Variants in NEFM observed in about 807,000 individuals in gnomAD.
NEFM encodes the protein neurofilament medium chain, also known as neurofilament medium polypeptide.
In NEFM, 16 loss-of-function variants were observed where a neutral mutation model predicts 48.1. The observed-to-expected ratio is 0.33, with a 90% CI of 0.23 to 0.51. The LOEUF is 0.51. Ranked by LOEUF, NEFM falls within the 20% of genes least tolerant of loss-of-function variation. The pLI, the probability that NEFM is intolerant of heterozygous loss-of-function variation, is 0.98. For synonymous variants in NEFM, 465 were observed against 456.9 expected, an observed-to-expected ratio of 1.02 and a Z score of -0.23; for missense variants, 1,107 against 1,136.0, an observed-to-expected ratio of 0.97 and a Z score of 0.37.
At chr8:24,916,989 C>T in intron 2 of NEFM, 72 bp from the exon 3 acceptor site, 1 of 1,233,230 alleles carries the variant, frequency 8.1e-7, no homozygotes, top group Non-Finnish European at 1.2e-6. Flanking sequence ...CCACAATACC[C>T]AGAATGTAAT....
At chr8:24,915,324 G>C (rs925098234) in intron 1 of NEFM, 8 of 1,300,728 alleles carry the variant, frequency 6.2e-6, no homozygotes, top group Non-Finnish European at 7.9e-6. Flanking sequence ...CCCCATGCAT[G>C]TTTGTGTCCT....
In NEFM at chr8:24,913,935, G is replaced by A. The variant is rs373780783; in HGVS notation, c.142G>A (p.Val48Met). 275 of 1,610,998 alleles carry A rather than the reference G, an allele frequency of 1.7e-4. No homozygotes were observed. Among genetic ancestry groups the A allele is most frequent in the Non-Finnish European group, 2.2e-4 (254 of 1,179,300 alleles). Reference protein sequence around the residue: ...QSWSRGSPSTVSSSYKRSMLA... With the variant: ...QSWSRGSPSTMSSSYKRSMLA... ...GTGGTCCCGCGGCTCGCCCAGCACC[G>A]TGTCCTCCTCCTATAAGCGCAGCAT... Residue 48 changes from valine to methionine, a missense_variant, in exon 1 of 3, where the codon GTG becomes ATG. Coordinates refer to ENST00000221166, the MANE Select transcript of NEFM (RefSeq NM_005382.2).
rs778021684 is a variant in NEFM at position 24,917,274 on chromosome 8, G to A, written c.1419G>A (p.Leu473=). The part of the protein sequence containing the change: ...EDEKSEMEEA[L]TAITEELAVS... ...AGAAGTCAGAAATGGAAGAGGCCCT[G>A]ACAGCCATTACAGAGGAATTGGCCG... Residue 473 remains leucine, a synonymous_variant, in exon 3 of 3, where the codon CTG becomes CTA. Coordinates refer to ENST00000221166, the MANE Select transcript of NEFM (RefSeq NM_005382.2). 267 of 1,614,022 alleles carry A rather than the reference G, an allele frequency of 1.7e-4. 1 individual carries two copies. Among genetic ancestry groups the A allele is most frequent in the Non-Finnish European group, 2.2e-4 (263 of 1,180,054 alleles).
Position 24,914,382 on chromosome 8 carries a change from G to T in NEFM, c.589G>T (p.Asp197Tyr). The change falls in exon 1 of 3, where the codon GAC becomes TAC. Residue 197 changes from aspartate to tyrosine, a missense_variant. Asp to Tyr is a radical substitution (Grantham distance 160). Around this residue, in one of 3 missense-constraint regions of NEFM, gnomAD observed 917 missense variants for 916.4 expected, o/e 1.00. Coordinates refer to ENST00000221166, the MANE Select transcript of NEFM (RefSeq NM_005382.2). ...CTTTGAGGAGGAGGCGCGGTTGCGC[G>T]ACGACACTGAGGCGGCCATCCGCGC... ...ERFEEEARLR[D>Y]DTEAAIRALR... 6.2e-7 allele frequency: 1 copy of T among 1,613,642 alleles called. No homozygotes were observed. The highest frequency in any genetic ancestry group is 8.5e-7 in the Non-Finnish European group (1 of 1,179,992).
chr8:24,915,241 A>G (rs940046873), intron 1 of NEFM: 23 of 1,268,814 alleles, frequency 1.8e-5, no homozygotes, highest in Non-Finnish European at 1.1e-5. Flanking sequence ...TCCGGCAGTG[A>G]TCGGAAGAGC....
intron 1 of NEFM, 67 bp from the exon 2 acceptor site, chr8:24,915,538 A>C: frequency 6.2e-7 from 1 of 1,608,682 alleles, no homozygotes; most frequent in Non-Finnish European, 8.5e-7. Flanking sequence ...AGGGGTAGCA[A>C]GTGGTTTGCG....
rs1377764405 is a variant in NEFM at position 24,914,617 on chromosome 8, C to G, written c.824C>G (p.Ser275Cys). ...DISTALKEIR[S>C]QLESHSDQNM... ...TCGACGGCGCTGAAGGAAATCCGCT[C>G]CCAGCTCGAAAGCCACTCAGACCAG... The change falls in exon 1 of 3, where the codon TCC becomes TGC. Residue 275 changes from serine (S) to cysteine (C), a missense_variant. Transcript: ENST00000221166. The G allele has an allele frequency of 1.2e-6, 2 of 1,614,198 alleles. No individual in the cohort carries two copies. Among genetic ancestry groups the G allele is most frequent in the East Asian group, 4.5e-5 (2 of 44,858 alleles).
In NEFM at chr8:24,916,994, T is replaced by C. The variant is rs1019350635; in HGVS notation, c.1206-67T>C. The C allele has an allele frequency of 9.5e-6, 12 of 1,268,452 alleles. No individual in the cohort carries two copies. The East Asian group carries it at 2.5e-4, about 27-fold the overall frequency. 78.6% of individuals were successfully genotyped at this position (1,268,452 alleles called of 1,614,324 possible). A position where few individuals can be genotyped will look rare whatever the true frequency, so the allele number is the denominator to read the frequency against. ...AAGGTAGCTACCACAATACCCAGAATGTAATGAAGCTCAGAAGGCCTAGTG... is the reference window on the plus strand; with the variant it reads ...AAGGTAGCTACCACAATACCCAGAACGTAATGAAGCTCAGAAGGCCTAGTG... On this transcript the variant is annotated intron_variant, in intron 2 of 2. Coordinates refer to ENST00000221166, the MANE Select transcript of NEFM (RefSeq NM_005382.2).
rs1479729090 is a variant in NEFM at position 24,913,931 on chromosome 8, C to T, written c.138C>T (p.Ser46=). The change falls in exon 1 of 3, where the codon AGC becomes AGT. Residue 46 remains serine (S), a synonymous_variant. Transcript: ENST00000221166. ...AGTCGTGGTCCCGCGGCTCGCCCAG[C>T]ACCGTGTCCTCCTCCTATAAGCGCA... The part of the protein sequence containing the change: ...RSQSWSRGSP[S]TVSSSYKRSM... 3.1e-6 allele frequency: 5 copies of T among 1,611,290 alleles called. No homozygotes were observed. Among genetic ancestry groups the T allele is most frequent in the Non-Finnish European group, 4.2e-6 (5 of 1,179,360 alleles).
intron 1 of NEFM, chr8:24,915,274 A>G (rs1802555361): frequency 2.4e-6 from 3 of 1,275,330 alleles, no homozygotes; most frequent in African/African-American, 3.0e-5. Context: ...CTTCAGCCCA[A>G]AGGGCTCAGA....
Position 24,919,043 on chromosome 8 carries a change from T to A in NEFM, c.*437T>A. 5.1e-6 allele frequency: 1 copy of A among 196,088 alleles called. No individual in the cohort carries two copies. Among genetic ancestry groups the A allele is most frequent in the South Asian group, 1.0e-4 (1 of 9,972 alleles). 12.1% of individuals were successfully genotyped at this position (196,088 alleles called of 1,614,324 possible). A position where few individuals can be genotyped will look rare whatever the true frequency, so the allele number is the denominator to read the frequency against. ...CAGTTTGCAATCTTATGTTGATCGA[T>A]GTTAAACGTCACAGCAGTACTTGCT... On this transcript the variant is annotated 3_prime_UTR_variant, in exon 3 of 3. Transcript: ENST00000221166.
At chr8:24,915,122 G>A in intron 1 of NEFM, 3 of 1,355,050 alleles carry the variant, frequency 2.2e-6, no homozygotes, top group South Asian at 1.8e-5. Flanking sequence ...ATCTTTTCCA[G>A]TTCTAATTTT....
chr8:24,917,464 G>A lies in NEFM; in HGVS notation c.1609G>A (p.Glu537Lys). 6.4e-7 allele frequency: 1 copy of A among 1,555,382 alleles called. No homozygotes were observed. Among genetic ancestry groups the A allele is most frequent in the East Asian group, 2.4e-5 (1 of 41,126 alleles). The stretch of plus-strand genomic sequence containing the variant: ...GGAAGAAGAAGGCCAGGAAGAAGAG[G>A]AGGAAGAAGATGAGGGAGCTAAGTC... The part of the protein sequence containing the change: ...KEEEEGQEEE[E>K]EEDEGAKSDQ... Residue 537 changes from glutamate to lysine, a missense_variant, in exon 3 of 3, where the codon GAG (glutamate) becomes AAG (lysine). Glu to Lys is a moderately conservative substitution (Grantham distance 56, BLOSUM62 1). Coordinates refer to ENST00000221166, the MANE Select transcript of NEFM (RefSeq NM_005382.2).
Position 24,914,100 on chromosome 8 carries a change from G to A in NEFM, c.307G>A (p.Glu103Lys), listed in dbSNP as rs768707355. Reference protein sequence around the residue: ...DYKLSRSNEKEQLQGLNDRFA... With the variant: ...DYKLSRSNEKKQLQGLNDRFA... The stretch of plus-strand genomic sequence containing the variant: ...CAAGCTGTCCCGCTCCAACGAGAAG[G>A]AGCAGCTGCAGGGGCTGAACGACCG... Residue 103 changes from glutamate (E) to lysine (K), a missense_variant, in exon 1 of 3, where the codon GAG (glutamate) becomes AAG (lysine). By Grantham distance (56) the Glu-to-Lys change is moderately conservative (BLOSUM62 1). Around this residue, in one of 3 missense-constraint regions of NEFM, gnomAD observed 186 missense variants for 200.6 expected, o/e 0.93. Transcript: ENST00000221166. 3 of 1,612,994 alleles carry A rather than the reference G, an allele frequency of 1.9e-6. No individual in the cohort carries two copies. The highest frequency in any genetic ancestry group is 1.3e-5 in the African/African-American group (1 of 74,960).
At position 24,918,545 on chromosome 8, in the gene NEFM, C is replaced by A. The variant is rs1288782522; in HGVS notation, c.2690C>A (p.Thr897Asn). 6.2e-7 allele frequency: 1 copy of A among 1,613,644 alleles called. No homozygotes were observed. Among genetic ancestry groups the A allele is most frequent in the Non-Finnish European group, 8.5e-7 (1 of 1,179,984 alleles). The change falls in exon 3 of 3, where the codon ACT becomes AAT. Residue 897 changes from threonine (T) to asparagine (N), a missense_variant. Physicochemically the swap from Thr to Asn is moderately conservative, Grantham distance 65 (BLOSUM62 0). Transcript: ENST00000221166. ...EETFEEKLVS[T>N]KKVEKVTSHA... ...ACCTTTGAGGAGAAACTAGTGTCTA[C>A]TAAAAAGGTAGAAAAAGTCACTTCA...
At chr8:24,915,028 G>T (rs1297038281) in intron 1 of NEFM, 155 bp downstream of exon 1, 1 of 1,391,406 alleles carries the variant, frequency 7.2e-7, no homozygotes, top group African/African-American at 1.5e-5. Context: ...GCGGATCAGC[G>T]TCCTCGCCCA....
Position 24,918,027 on chromosome 8 carries a change from A to G in NEFM, c.2172A>G (p.Lys724=). 6.4e-7 allele frequency: 1 copy of G among 1,569,768 alleles called. No homozygotes were observed. Among genetic ancestry groups the G allele is most frequent in the Non-Finnish European group, 8.6e-7 (1 of 1,156,798 alleles). Residue 724 remains lysine, a synonymous_variant, in exon 3 of 3, where the codon AAA becomes AAG. Transcript: ENST00000221166. ...KEEKVEKKEE[K]PKDVPEKKKA... is the part of the protein sequence containing the mutation. ...AGAAGGTAGAGAAAAAGGAAGAGAA[A>G]CCAAAGGATGTGCCAGAGAAGAAGA...
Position 24,914,463 on chromosome 8 carries a change from G to A in NEFM, c.670G>A (p.Val224Met), listed in dbSNP as rs746305446. 2 of 1,613,944 alleles carry A rather than the reference G, an allele frequency of 1.2e-6. No individual in the cohort carries two copies. Among genetic ancestry groups the A allele is most frequent in the Admixed American group, 1.7e-5 (1 of 60,020 alleles). ...GGTCAAGGTGGAGCTGGACAAGAAGGTGCAGTCGCTGCAGGATGAGGTGGC... is the reference window on the plus strand; with the variant it reads ...GGTCAAGGTGGAGCTGGACAAGAAGATGCAGTCGCTGCAGGATGAGGTGGC... ...SLVKVELDKK[V>M]QSLQDEVAFL... The change falls in exon 1 of 3, where the codon GTG becomes ATG. Residue 224 changes from valine to methionine, a missense_variant. By Grantham distance (21) the Val-to-Met change is conservative. Coordinates refer to ENST00000221166, the MANE Select transcript of NEFM (RefSeq NM_005382.2).
At position 24,918,371 on chromosome 8, in the gene NEFM, C is replaced by T. The variant is rs1802614040; in HGVS notation, c.2516C>T (p.Ala839Val). The change falls in exon 3 of 3, where the codon GCA becomes GTA. Residue 839 changes from alanine to valine, a missense_variant. Physicochemically the swap from Ala to Val is moderately conservative, Grantham distance 64. Around this residue, in one of 3 missense-constraint regions of NEFM, gnomAD observed 917 missense variants for 916.4 expected, o/e 1.00. Coordinates refer to ENST00000221166, the MANE Select transcript of NEFM (RefSeq NM_005382.2). ...VVTNGLDLSPADEKKGGDKSE... is the reference protein window; with the variant it reads ...VVTNGLDLSPVDEKKGGDKSE... ...ACCAATGGCCTAGACTTGAGCCCAG[C>T]AGATGAAAAGAAGGGGGGTGATAAA... is the stretch of plus-strand genomic sequence containing the variant. The T allele has an allele frequency of 1.2e-6, 2 of 1,613,874 alleles. No homozygotes were observed. The highest frequency in any genetic ancestry group is 1.7e-6 in the Non-Finnish European group (2 of 1,180,014).
Sources: allele counts gnomAD v4.1 joint callset, GRCh38; gene constraint gnomAD v4.1.1; regional missense constraint gnomAD v4.1.1; transcripts MANE v1.5; gene names NCBI Gene and HGNC (gene_info 2026-07-23, HGNC 2026-07-21).